The following KCNH6 variants were observed in gnomAD, a reference collection of about 807,000 sequenced individuals.
KCNH6 encodes potassium voltage-gated channel subfamily H member 6.
A neutral mutation model predicts 83.4 loss-of-function variants in KCNH6; 81 were observed. The observed-to-expected ratio is 0.97, with a 90% CI of 0.81 to 1.17. The LOEUF is 1.17. KCNH6 is among the 50% of genes most tolerant of loss of function. KCNH6 has a pLI of 0.00. For missense variants in KCNH6, 1,203 were observed against 1,290.5 expected (o/e 0.93, Z 1.04); for synonymous variants, 503 against 545.6 (o/e 0.92, Z 1.09).
intron 8 of KCNH6, among the ~76,000 whole-genome samples, chr17:63,539,237 T>G (rs1431489209): frequency 6.6e-6 from 1 of 152,134 alleles, no homozygotes; most frequent in Non-Finnish European, 1.5e-5. Context: ...GCCCCATGAC[T>G]TCATCTCCAC....
At chr17:63,524,469 G>A in intron 2 of KCNH6, 100 bp downstream of exon 2, 1 of 948,024 alleles carries the variant, frequency 1.1e-6, no homozygotes, top group African/African-American at 1.6e-5. Context: ...AGGGTCCAAA[G>A]GGCCTGAACA....
intron 4 of KCNH6, among the ~76,000 whole-genome samples, chr17:63,532,777 G>T (rs1486847420): frequency 6.6e-6 from 1 of 152,126 alleles, no homozygotes; most frequent in Non-Finnish European, 1.5e-5. Flanking sequence ...TGGGAGAGGA[G>T]GTCCATGGAA....
intron 2 of KCNH6, among the ~76,000 whole-genome samples, chr17:63,527,608 G>A (rs1026819446): frequency 1.1e-4 from 16 of 152,286 alleles, no homozygotes; most frequent in African/African-American, 3.8e-4. Context: ...GGTGGGTGCT[G>A]GGAGGAGCTC....
At chr17:63,540,857 G>T (rs551711169) in intron 8 of KCNH6, among the ~76,000 whole-genome samples, 1 of 152,348 alleles carries the variant, frequency 6.6e-6, no homozygotes, top group East Asian at 1.9e-4. Context: ...CCTGAGCCCT[G>T]ACAGTGCAGT....
intron 12 of KCNH6, 64 bp downstream of exon 12, chr17:63,545,328 C>A: frequency 6.5e-7 from 1 of 1,548,338 alleles, no homozygotes; most frequent in Non-Finnish European, 8.9e-7. Context: ...CCTACCCTGA[C>A]TTGTTCACAG....
rs140145269 is a variant in KCNH6 at position 63,535,995 on chromosome 17, C to T, written c.1428C>T (p.Ser476=). 107 of 1,613,874 alleles carry T rather than the reference C, an allele frequency of 6.6e-5. No individual in the cohort carries two copies. In the African/African-American group the frequency reaches 1.2e-3, roughly 18 times the overall value. Residue 476 remains serine, a synonymous_variant, in exon 6 of 13, where the codon AGC becomes AGT. Transcript: ENST00000314672. The surrounding 1 kb of genome is among the most constrained non-coding windows in gnomAD (Gnocchi z 4.9). ...ACTTCACCTTCAGCAGCCTCACCAGCGTGGGCTTCGGCAATGTCTCGCCCA... is the reference window on the plus strand; with the variant it reads ...ACTTCACCTTCAGCAGCCTCACCAGTGTGGGCTTCGGCAATGTCTCGCCCA... ...ALYFTFSSLT[S]VGFGNVSPNT...
Position 63,544,353 on chromosome 17 carries a change from G to A in KCNH6, c.2338G>A (p.Asp780Asn). 6.2e-7 allele frequency: 1 copy of A among 1,611,682 alleles called. No homozygotes were observed. Among genetic ancestry groups the A allele is most frequent in the African/African-American group, 1.3e-5 (1 of 74,980 alleles). The change falls in exon 11 of 13, where the codon GAT (aspartate) becomes AAT (asparagine). Residue 780 changes from aspartate (D) to asparagine (N), a missense_variant. Physicochemically the swap from Asp to Asn is conservative, Grantham distance 23. Coordinates refer to ENST00000314672, the MANE Select transcript of KCNH6 (RefSeq NM_001278919.2). ...HSPQSPQEDP[D>N]CWPLKLGSRL... ...CCCCCAAAGCCCTCAGGAAGACCCA[G>A]ATTGCTGGCCTCTGAAGCTGGGCTC...
chr17:63,530,055 A>G, intron 2 of KCNH6, 36 bp from the exon 3 acceptor site: 1 of 1,607,582 alleles, frequency 6.2e-7, no homozygotes, highest in Non-Finnish European at 8.5e-7. Context: ...GGACCCCTTC[A>G]GGGCCCACCC....
At position 63,533,713 on chromosome 17, in the gene KCNH6, G is replaced by A. The variant is rs547837175; in HGVS notation, c.676-173G>A. ...TCCTCTCGAGGCATCTGTCCCCTTA[G>A]GAACTTGCCTTCTCAGACACCCCCC... is the stretch of plus-strand genomic sequence containing the variant. On this transcript the variant is annotated intron_variant, in intron 4 of 12. Transcript: ENST00000314672. The surrounding 1 kb of genome is among the most constrained non-coding windows in gnomAD (Gnocchi z 4.1). 1.3e-5 allele frequency among the ~76,000 whole-genome samples: 2 copies of A among 152,104 alleles called. No individual in the cohort carries two copies. Among genetic ancestry groups the A allele is most frequent in the South Asian group, 4.2e-4 (2 of 4,814 alleles).
In KCNH6 at chr17:63,538,523, GCT is replaced by G. The variant is rs1360430569; in HGVS notation, c.1816_1817del (p.Leu606SerfsTer49). Reference protein sequence around the residue: ...SGAGKGCLRALAVKFKTTHAP... With the variant: ...SGAGKGCLRAXAVKFKTTHAP... ...GCGCCGGCAAGGGCTGCCTGCGCGCGCTAGCCGTCAAGTTCAAGACCACCCAC... is the reference window on the plus strand; with the variant it reads ...GCGCCGGCAAGGGCTGCCTGCGCGCGAGCCGTCAAGTTCAAGACCACCCAC... On this transcript the variant is annotated frameshift_variant, in exon 8 of 13. Coordinates refer to ENST00000314672, the MANE Select transcript of KCNH6 (RefSeq NM_001278919.2). LOFTEE classifies it high-confidence loss of function. The surrounding 1 kb of genome is among the most constrained non-coding windows in gnomAD (Gnocchi z 4.0). 2.4e-5 allele frequency: 39 copies of G among 1,606,022 alleles called. No individual in the cohort carries two copies. The highest frequency in any genetic ancestry group is 3.2e-5 in the Non-Finnish European group (38 of 1,176,850).
chr17:63,545,477 TG>T, intron 12 of KCNH6, 131 bp from the exon 13 acceptor site: 1 of 1,037,478 alleles, frequency 9.6e-7, no homozygotes, highest in South Asian at 1.6e-5. Flanking sequence ...AGCCTGCAGC[TG>T]GGGCCAGGGC....
rs748806312 is a variant in KCNH6, at chr17:63,538,099, C to G, written c.1536C>G (p.Ser512=). The G allele has an allele frequency of 1.2e-5, 19 of 1,613,828 alleles. No homozygotes were observed. In the African/African-American group the frequency reaches 1.5e-4, roughly 12 times the overall value. The stretch of plus-strand genomic sequence containing the variant: ...ACGCCAGCATCTTCGGGAACGTGTC[C>G]GCGATCATCCAGCGCCTGTACTCGG... ...LMYASIFGNV[S]AIIQRLYSGT... Residue 512 remains serine (S), a synonymous_variant, in exon 7 of 13, where the codon TCC becomes TCG. Transcript: ENST00000314672. This position sits in a 1 kb window ranked among gnomAD's most constrained non-coding sequence, Gnocchi z 4.0.
chr17:63,530,069 A>G (rs768839162), intron 2 of KCNH6, 22 bp from the exon 3 acceptor site: 5 of 1,611,000 alleles, frequency 3.1e-6, no homozygotes, highest in Admixed American at 1.7e-5. Flanking sequence ...CCCACCCCCC[A>G]TCCTCCCAAT....
chr17:63,525,301 A>G (rs558588190), intron 2 of KCNH6, among the ~76,000 whole-genome samples: 14 of 152,212 alleles, frequency 9.2e-5, no homozygotes, highest in Non-Finnish European at 1.5e-4. Context: ...TCCCACTGCT[A>G]GAGTCCAACC....
Position 63,544,255 on chromosome 17 carries a change from C to T in KCNH6, c.2240C>T (p.Ala747Val). 6.3e-7 allele frequency: 1 copy of T among 1,581,532 alleles called. No homozygotes were observed. The highest frequency in any genetic ancestry group is 1.1e-5 in the South Asian group (1 of 86,968). The change falls in exon 11 of 13, where the codon GCC becomes GTC. Residue 747 changes from alanine to valine, a missense_variant. Transcript: ENST00000314672. Reference sequence around the variant, plus strand: ...TTCCCTTTCCCTCCTGCAGATGCAGCCCCTCCCCTGAGCATCTCAGATGCA... The same window carrying T: ...TTCCCTTTCCCTCCTGCAGATGCAGTCCCTCCCCTGAGCATCTCAGATGCA... ...FFLSDNQSDA[A>V]PPLSISDASG... is the part of the protein sequence containing the mutation.
Position 63,538,627 on chromosome 17 carries a change from A to G in KCNH6, c.1919A>G (p.Glu640Gly), listed in dbSNP as rs1222765888. 6.2e-7 allele frequency: 1 copy of G among 1,604,152 alleles called. No individual in the cohort carries two copies. ...TACTTCATCTCCCGAGGCTCCATCGAGATCCTGCGCGACGACGTGGTCGTG... is the reference window on the plus strand; with the variant it reads ...TACTTCATCTCCCGAGGCTCCATCGGGATCCTGCGCGACGACGTGGTCGTG... ...TLYFISRGSI[E>G]ILRDDVVVAI... Residue 640 changes from glutamate (E) to glycine (G), a missense_variant, in exon 8 of 13, where the codon GAG (glutamate) becomes GGG (glycine). Coordinates refer to ENST00000314672, the MANE Select transcript of KCNH6 (RefSeq NM_001278919.2). The surrounding 1 kb of genome is among the most constrained non-coding windows in gnomAD (Gnocchi z 4.0).
intron 2 of KCNH6, among the ~76,000 whole-genome samples, chr17:63,529,299 C>G (rs1383826660): frequency 2.6e-5 from 4 of 152,216 alleles, no homozygotes; most frequent in African/African-American, 7.2e-5. Context: ...GCCCTGCCCC[C>G]ACAGGGCCAT....
In KCNH6 at chr17:63,538,926, G is replaced by A. The variant is rs1349971065; in HGVS notation, c.1954+264G>A. 1.3e-5 allele frequency among the ~76,000 whole-genome samples: 2 copies of A among 152,186 alleles called. No individual in the cohort carries two copies. Among genetic ancestry groups the A allele is most frequent in the Non-Finnish European group, 2.9e-5 (2 of 68,032 alleles). On this transcript the variant is annotated intron_variant, in intron 8 of 12. Transcript: ENST00000314672. This position sits in a 1 kb window ranked among gnomAD's most constrained non-coding sequence, Gnocchi z 4.0. ...TCTGTGGCCAGGCAGGGATTCCAGG[G>A]CTGCCAGTGTGACTCAGAAGCCCAG... is the stretch of plus-strand genomic sequence containing the variant.
rs4968592 is a variant in KCNH6 at position 63,535,270 on chromosome 17, C to T, written c.1102-399C>T. Among the ~76,000 whole-genome samples, 40,718 of 152,034 alleles carry T rather than the reference C, an allele frequency of 0.27. 6,174 individuals are homozygous for T. The highest frequency in any genetic ancestry group is 0.38 in the Middle Eastern group (112 of 294). On this transcript the variant is annotated intron_variant, in intron 5 of 12. Coordinates refer to ENST00000314672, the MANE Select transcript of KCNH6 (RefSeq NM_001278919.2). The surrounding 1 kb of genome is among the most constrained non-coding windows in gnomAD (Gnocchi z 4.9). Reference sequence around the variant, plus strand: ...CTGCAGTGCCACACTCGGTTTCCCACATCGGCCACGCACTTCACACCTCAG... The same window carrying T: ...CTGCAGTGCCACACTCGGTTTCCCATATCGGCCACGCACTTCACACCTCAG...
Sources: allele counts gnomAD v4.1 joint callset (sites outside exome capture counted in the v4.1 genomes callset), GRCh38; gene constraint gnomAD v4.1.1; non-coding constraint Gnocchi (gnomAD v3.1); transcripts MANE v1.5; gene names NCBI Gene and HGNC (gene_info 2026-07-23, HGNC 2026-07-21).